TEX11: variants seen among roughly 807,000 people sequenced by gnomAD.
TEX11 encodes the protein testis expressed 11.
Under a neutral mutation model 84.4 loss-of-function variants are expected in TEX11, and 7 were observed. That is an observed-to-expected ratio of 0.08 (90% confidence interval 0.05 to 0.16). The LOEUF (loss-of-function observed/expected upper bound fraction) is 0.16, where lower values mean the gene tolerates loss of function less well. Ranked by LOEUF, TEX11 falls within the 10% of genes least tolerant of loss-of-function variation. The pLI, the probability that TEX11 is intolerant of heterozygous loss-of-function variation, is 1.00. For synonymous variants in TEX11, 264 were observed against 222.8 expected (o/e 1.18, Z -1.64); for missense variants, 551 against 660.5 (o/e 0.83, Z 1.82).
In TEX11 at chrX:70,648,111, T is replaced by C. The variant is rs144744965; in HGVS notation, c.1483+3339A>G. Reference sequence around the variant, plus strand: ...AAAAATGATGAATTCATGTCCTTTGTAGGGACATGGATGAAGCTGGAAACC... The same window carrying C: ...AAAAATGATGAATTCATGTCCTTTGCAGGGACATGGATGAAGCTGGAAACC... On this transcript the variant is annotated intron_variant, in intron 17 of 29. Transcript: ENST00000374333. Among the ~76,000 whole-genome samples the C allele has an allele frequency of 3.2e-3, 353 of 111,365 alleles. 3 individuals carry two copies. The highest frequency in any genetic ancestry group is 0.011 in the African/African-American group (338 of 30,650).
chrX:70,585,196 C>A (rs1488491313), intron 25 of TEX11, among the ~76,000 whole-genome samples: 1 of 112,096 alleles, frequency 8.9e-6, no homozygotes, highest in Non-Finnish European at 1.9e-5. Context: ...ACAAGATGAA[C>A]ATGCAAAGAT....
Position 70,740,704 on chromosome X carries a change from G to A in TEX11, c.840C>T (p.Asn280=). 1 of 1,174,105 alleles carries A rather than the reference G, an allele frequency of 8.5e-7. No homozygotes were observed. The highest frequency in any genetic ancestry group is 1.1e-6 in the Non-Finnish European group (1 of 872,235). The part of the protein sequence containing the change: ...DKALNAVNLA[N]KEHLSSPGLF... ...TTCAAAAATACAAGCCCCATACCTT[G>A]TTTGCTAGGTTTACAGCATTGAGAG... The change falls in exon 11 of 30, where the codon AAC becomes AAT. Residue 280 remains asparagine, a synonymous_variant. Coordinates refer to ENST00000374333, the MANE Select transcript of TEX11 (RefSeq NM_031276.3).
At chrX:70,612,543 A>G in intron 20 of TEX11, among the ~76,000 whole-genome samples, 1 of 98,507 alleles carries the variant, frequency 1.0e-5, no homozygotes, top group East Asian at 3.3e-4. Context: ...AAAACCTTTG[A>G]TGGGCTTATT....
At position 70,713,463 on chromosome X, in the gene TEX11, G is replaced by T. The variant is rs748650645; in HGVS notation, c.1004+9155C>A. Among the ~76,000 whole-genome samples, 254 of 111,446 alleles carry T rather than the reference G, an allele frequency of 2.3e-3. 2 individuals carry two copies. The highest frequency in any genetic ancestry group is 3.3e-3 in the Non-Finnish European group (177 of 53,002). On this transcript the variant is annotated intron_variant, in intron 13 of 29. Transcript: ENST00000374333. ...GTAAGCTATTGATTATTGCCTCAATGGCAGAGCCTGTTATTGGTCTATTCA... is the reference window on the plus strand; with the variant it reads ...GTAAGCTATTGATTATTGCCTCAATTGCAGAGCCTGTTATTGGTCTATTCA...
At chrX:70,672,827 T>C (rs2147640478) in intron 15 of TEX11, 1 of 111,521 alleles carries the variant, frequency 9.0e-6, no homozygotes, top group African/African-American at 3.3e-5. Flanking sequence ...TTTTAAAGTA[T>C]AATTTTCACT....
At chrX:70,532,372 T>A in intron 28 of TEX11, among the ~76,000 whole-genome samples, 1 of 112,347 alleles carries the variant, frequency 8.9e-6, no homozygotes, top group South Asian at 3.7e-4. Context: ...GTAGTTTTAA[T>A]AAGATAGAAA....
chrX:70,616,266 C>T (rs1383066233), intron 20 of TEX11, among the ~76,000 whole-genome samples: 1 of 110,890 alleles, frequency 9.0e-6, no homozygotes, highest in Non-Finnish European at 1.9e-5. Context: ...TAAATAGAAA[C>T]AACAAAAAGT....
chrX:70,511,318 C>CAGA, the TEX11 span, among the ~76,000 whole-genome samples: 1 of 112,654 alleles, frequency 8.9e-6, no homozygotes, highest in Non-Finnish European at 1.9e-5. Context: ...CTCCATGTGT[C>CAGA]AGACCCTGTG....
chrX:70,716,723 C>G (rs983065581), intron 13 of TEX11, among the ~76,000 whole-genome samples: 1 of 112,477 alleles, frequency 8.9e-6, no homozygotes, highest in Admixed American at 9.4e-5. Flanking sequence ...ACCCCTTGTA[C>G]TTTCCGGGTG....
intron 8 of TEX11, among the ~76,000 whole-genome samples, chrX:70,818,157 C>T (rs1223928923): frequency 2.7e-5 from 3 of 110,522 alleles, no homozygotes; most frequent in Admixed American, 1.9e-4. Context: ...GGCGTGGTGA[C>T]GCGCGCCTGG....
chrX:70,583,101 T>C (rs1033325433), intron 25 of TEX11, among the ~76,000 whole-genome samples: 1 of 111,415 alleles, frequency 9.0e-6, no homozygotes. Context: ...TATTTATTTA[T>C]TTTTATTTTT....
chrX:70,826,935 C>T (rs541866501), intron 8 of TEX11, among the ~76,000 whole-genome samples: 1 of 111,308 alleles, frequency 9.0e-6, no homozygotes, highest in South Asian at 3.8e-4. Context: ...ACAGCTGGCA[C>T]AGCAAAGGGA....
chrX:70,788,685 A>AC (rs2091094343), intron 9 of TEX11, among the ~76,000 whole-genome samples: 1 of 69,463 alleles, frequency 1.4e-5, no homozygotes, highest in African/African-American at 5.5e-5. Context: ...TCTCTTGGGA[A>AC]ACACACACAC....
rs769802985 is a variant in TEX11 at position 70,670,497 on chromosome X, A to G, written c.1260T>C (p.Asp420=). 7.3e-5 allele frequency: 88 copies of G among 1,199,645 alleles called. No homozygotes were observed. The highest frequency in any genetic ancestry group is 9.9e-5 in the Non-Finnish European group (88 of 892,165). Reference sequence around the variant, plus strand: ...GAGAATAATAGTACCATTGTAGGGCATCAGTGTAATTTTGTACCTAAAGTT... The same window carrying G: ...GAGAATAATAGTACCATTGTAGGGCGTCAGTGTAATTTTGTACCTAAAGTT... ...ASSFEVQNYT[D]ALQWYYYSLR... is the part of the protein sequence containing the mutation. Residue 420 remains aspartate (D), a synonymous_variant, in exon 16 of 30, where the codon GAT becomes GAC. Coordinates refer to ENST00000374333, the MANE Select transcript of TEX11 (RefSeq NM_031276.3).
chrX:70,725,326 A>G lies in TEX11; in HGVS notation c.861T>C (p.Pro287=). 4 of 1,183,177 alleles carry G rather than the reference A, an allele frequency of 3.4e-6. No homozygotes were observed. Among genetic ancestry groups the G allele is most frequent in the Non-Finnish European group, 4.6e-6 (4 of 874,335 alleles). ...GGATTTTCATTTTTAAGAAAAGCCC[A>G]GGAGAACTTAAATGTTCCTATTTTA... ...NLANKEHLSS[P]GLFLKMKILL... The change falls in exon 12 of 30, where the codon CCT becomes CCC. Residue 287 remains proline (P), a synonymous_variant. Transcript: ENST00000374333.
intron 11 of TEX11, among the ~76,000 whole-genome samples, chrX:70,731,191 A>C (rs1176866113): frequency 1.6e-4 from 18 of 112,040 alleles, no homozygotes; most frequent in Admixed American, 1.3e-3. Context: ...AATGCCCACA[A>C]GAGAAAGCAG....
At chrX:70,557,701 C>T (rs1034695705) in intron 25 of TEX11, among the ~76,000 whole-genome samples, 2 of 111,340 alleles carry the variant, frequency 1.8e-5, no homozygotes, top group African/African-American at 6.5e-5. Context: ...CAACACAATC[C>T]CTATCAGCAT....
chrX:70,660,251 T>C (rs2089911823), intron 16 of TEX11, among the ~76,000 whole-genome samples: 1 of 111,884 alleles, frequency 8.9e-6, no homozygotes, highest in Non-Finnish European at 1.9e-5. Flanking sequence ...GTAGACTTTA[T>C]AAACAGTGTA....
At position 70,872,983 on chromosome X, in the gene TEX11, G is replaced by C. The variant is rs5981016; in HGVS notation, c.244+240C>G. On this transcript the variant is annotated intron_variant, in intron 4 of 29. Coordinates refer to ENST00000374333, the MANE Select transcript of TEX11 (RefSeq NM_031276.3). ...TAATCATCTTTGTTGTTCACCTCCT[G>C]ACTATTTCTTGCAGTGATATCTTTA... 0.19 allele frequency among the ~76,000 whole-genome samples: 20,700 copies of C among 109,911 alleles called. 1,544 individuals are homozygous for C. Among genetic ancestry groups the C allele is most frequent in the Non-Finnish European group, 0.22 (11,545 of 52,667 alleles).
Sources: gnomAD v4.1 joint callset for allele counts (sites outside exome capture counted in the v4.1 genomes callset) on GRCh38, gnomAD v4.1.1 for gene constraint, MANE v1.5 for transcripts, NCBI Gene and HGNC (gene_info 2026-07-23, HGNC 2026-07-21) for gene names.